Variants in LINGO2 observed in about 807,000 individuals in gnomAD.
LINGO2 encodes leucine rich repeat and Ig domain containing 2, also known as leucine-rich repeat and immunoglobulin-like domain-containing nogo receptor-interacting protein 2.
In LINGO2, 14 loss-of-function variants were observed where a neutral mutation model predicts 30.6. That is an observed-to-expected ratio of 0.46 (90% confidence interval 0.30 to 0.72). The LOEUF (loss-of-function observed/expected upper bound fraction) is 0.72, where lower values mean the gene tolerates loss of function less well. Among genes scored for constraint, LINGO2 ranks in the 30% least tolerant of loss-of-function variants. The pLI, the probability that LINGO2 is intolerant of heterozygous loss-of-function variation, is 0.07. For synonymous variants in LINGO2, 317 were observed against 288.5 expected, an observed-to-expected ratio of 1.10 and a Z score of -1.00; for missense variants, 729 against 751.7, an observed-to-expected ratio of 0.97 and a Z score of 0.35.
intron 5 of LINGO2, among the ~76,000 whole-genome samples, chr9:27,954,214 G>A (rs1362056326): frequency 6.6e-6 from 1 of 152,120 alleles, no homozygotes; most frequent in East Asian, 1.9e-4. Context: ...AACATTTCAA[G>A]TCTTCCAGCC....
intron 1 of LINGO2, among the ~76,000 whole-genome samples, chr9:28,528,123 C>T (rs139766612): frequency 6.6e-6 from 1 of 152,170 alleles, no homozygotes; most frequent in South Asian, 2.1e-4. Context: ...ATACAACCAT[C>T]TCTTCTACTT....
chr9:28,087,832 C>A (rs1233904948), intron 4 of LINGO2, among the ~76,000 whole-genome samples: 1 of 151,978 alleles, frequency 6.6e-6, no homozygotes, highest in Non-Finnish European at 1.5e-5. Context: ...ATGAGTAACC[C>A]ATGAGATAGC....
the LINGO2 span, among the ~76,000 whole-genome samples, chr9:28,807,333 T>C: frequency 2.0e-5 from 3 of 152,170 alleles, no homozygotes; most frequent in Admixed American, 2.0e-4. Context: ...CGTGAAAATC[T>C]TATTTTAAAA....
At chr9:29,096,794 A>AAT in the LINGO2 span, among the ~76,000 whole-genome samples, 1 of 140,234 alleles carries the variant, frequency 7.1e-6, no homozygotes, top group African/African-American at 2.7e-5. Context: ...ACATGTAGGA[A>AAT]ATACTGGTTA....
At chr9:27,966,759 T>C (rs1262228035) in intron 5 of LINGO2, among the ~76,000 whole-genome samples, 2 of 151,994 alleles carry the variant, frequency 1.3e-5, no homozygotes, top group Non-Finnish European at 2.9e-5. Context: ...AAAAAATAAA[T>C]ATGCGCCTCA....
chr9:28,591,658 G>A (rs543806771), intron 1 of LINGO2, among the ~76,000 whole-genome samples: 13 of 152,094 alleles, frequency 8.5e-5, no homozygotes, highest in Non-Finnish European at 1.9e-4. Context: ...TTGGGAACGC[G>A]GCACTGCTAG....
the LINGO2 span, among the ~76,000 whole-genome samples, chr9:29,091,228 C>T: frequency 6.6e-6 from 1 of 151,976 alleles, no homozygotes; most frequent in African/African-American, 2.4e-5. Flanking sequence ...AACGAATGCT[C>T]TCTTTTGACA....
At chr9:27,951,659 A>T (rs142847946) in intron 5 of LINGO2, among the ~76,000 whole-genome samples, 2 of 152,276 alleles carry the variant, frequency 1.3e-5, no homozygotes, top group African/African-American at 4.8e-5. Context: ...TGAATAAATA[A>T]AAGGTGTATT....
chr9:28,605,629 C>T lies in LINGO2; in HGVS notation c.-365+64571G>A, dbSNP rs190491085. ...TTTTAAGGCAAATAACAATCTCAAGCGTTTTAGCCTAAGTTAAGCTTCTTC... is the reference window on the plus strand; with the variant it reads ...TTTTAAGGCAAATAACAATCTCAAGTGTTTTAGCCTAAGTTAAGCTTCTTC... On this transcript the variant is annotated intron_variant, in intron 1 of 5. Coordinates refer to ENST00000379992, the Ensembl canonical transcript of LINGO2. 2.1e-3 allele frequency among the ~76,000 whole-genome samples: 315 copies of T among 152,106 alleles called. 2 individuals carry two copies. Among genetic ancestry groups the T allele is most frequent in the Non-Finnish European group, 3.5e-3 (236 of 67,946 alleles).
chr9:29,015,398 A>T, the LINGO2 span, among the ~76,000 whole-genome samples: 1 of 152,196 alleles, frequency 6.6e-6, no homozygotes, highest in Admixed American at 6.6e-5. Context: ...GAGTCAGCAC[A>T]CTTTTTCTAT....
chr9:28,857,709 G>C, the LINGO2 span, among the ~76,000 whole-genome samples: 2 of 151,932 alleles, frequency 1.3e-5, no homozygotes, highest in Admixed American at 6.6e-5. Flanking sequence ...AGTCCAAACC[G>C]AGATATGCTG....
intron 4 of LINGO2, among the ~76,000 whole-genome samples, chr9:28,210,640 C>A (rs1022709943): frequency 4.0e-5 from 6 of 151,440 alleles, no homozygotes; most frequent in African/African-American, 1.5e-4. Context: ...ATCTTCTGCA[C>A]CTATGTAAAT....
At chr9:28,066,422 G>T (rs778171893) in intron 4 of LINGO2, among the ~76,000 whole-genome samples, 6 of 152,100 alleles carry the variant, frequency 3.9e-5, no homozygotes, top group Non-Finnish European at 7.4e-5. Context: ...ATGAGACCAT[G>T]ATCTCATGCT....
the LINGO2 span, among the ~76,000 whole-genome samples, chr9:29,077,530 G>A: frequency 6.6e-6 from 1 of 151,898 alleles, no homozygotes; most frequent in African/African-American, 2.4e-5. Context: ...AATATTTACT[G>A]CTTGTTAAAT....
At chr9:28,582,769 T>G (rs1824322463) in intron 1 of LINGO2, among the ~76,000 whole-genome samples, 1 of 152,130 alleles carries the variant, frequency 6.6e-6, no homozygotes, top group African/African-American at 2.4e-5. Context: ...AATGAAAAGT[T>G]TGCATTAGCT....
chr9:28,541,089 A>G (rs1644540849), intron 1 of LINGO2, among the ~76,000 whole-genome samples: 1 of 152,220 alleles, frequency 6.6e-6, no homozygotes, highest in South Asian at 2.1e-4. Context: ...AAAGTGAGAA[A>G]GAGTGAATAA....
the LINGO2 span, among the ~76,000 whole-genome samples, chr9:28,809,311 C>A: frequency 6.6e-6 from 1 of 152,216 alleles, no homozygotes; most frequent in South Asian, 2.1e-4. Flanking sequence ...ACCTGCCTGA[C>A]TTTCTATTTC....
chr9:28,249,135 T>A (rs1822107083), intron 4 of LINGO2, among the ~76,000 whole-genome samples: 1 of 152,042 alleles, frequency 6.6e-6, no homozygotes, highest in Admixed American at 6.6e-5. Flanking sequence ...AGAAGCGAAG[T>A]ATTATTTTAC....
chr9:29,092,406 A>G, the LINGO2 span, among the ~76,000 whole-genome samples: 1 of 151,984 alleles, frequency 6.6e-6, no homozygotes, highest in Non-Finnish European at 1.5e-5. Context: ...TACTCATAAA[A>G]AGGTTGTAGA....
Sources: gnomAD v4.1 joint callset for allele counts (sites outside exome capture counted in the v4.1 genomes callset) on GRCh38, gnomAD v4.1.1 for gene constraint, MANE v1.5 for transcripts, NCBI Gene and HGNC (gene_info 2026-07-23, HGNC 2026-07-21) for gene names.